The following NMBR variants were observed in gnomAD, a reference collection of about 807,000 sequenced individuals.
NMBR encodes neuromedin B receptor.
NMBR carries 16 observed loss-of-function variants against 20.5 expected under a neutral mutation model. The observed-to-expected ratio is 0.78, with a 90% CI of 0.53 to 1.19. The LOEUF (loss-of-function observed/expected upper bound fraction) is 1.19, where lower values mean the gene tolerates loss of function less well. NMBR is among the 50% of genes most tolerant of loss of function. The probability of loss-of-function intolerance (pLI) is 0.00; values close to 1 mark genes in which losing one functional copy is unlikely to be tolerated. For missense variants in NMBR, 582 were observed against 499.1 expected, an observed-to-expected ratio of 1.17 and a Z score of -1.58; for synonymous variants, 212 against 196.6, an observed-to-expected ratio of 1.08 and a Z score of -0.65.
At chr6:142,100,886 T>C (rs1166664011) in intron 1 of NMBR, among the ~76,000 whole-genome samples, 1 of 152,244 alleles carries the variant, frequency 6.6e-6, no homozygotes, top group Non-Finnish European at 1.5e-5. Flanking sequence ...CAGACTGCTA[T>C]AATAAAATAC....
At chr6:142,140,247 T>C (rs1331300527) in intron 1 of NMBR, among the ~76,000 whole-genome samples, 1 of 151,910 alleles carries the variant, frequency 6.6e-6, no homozygotes, top group Non-Finnish European at 1.5e-5. Flanking sequence ...CTCTTGAAAA[T>C]TACAATAAAA....
intron 1 of NMBR, among the ~76,000 whole-genome samples, chr6:142,098,311 T>C (rs749519403): frequency 3.3e-5 from 5 of 152,152 alleles, no homozygotes; most frequent in Non-Finnish European, 7.4e-5. Context: ...TTTTCAATTT[T>C]GTACTGGAAG....
In NMBR at chr6:142,088,525, A is replaced by C. The variant is rs761046063; in HGVS notation, c.134T>G (p.Val45Gly). ...GTTTELVIRC[V>G]IPSLYLLIIT... ...GATGAGCAGGTAGAGGGACGGGATCACACAGCGGATCACCAACTCCGTGGT... is the reference window on the plus strand; with the variant it reads ...GATGAGCAGGTAGAGGGACGGGATCCCACAGCGGATCACCAACTCCGTGGT... The change falls in exon 2 of 4, where the codon GTG becomes GGG. Residue 45 changes from valine (V) to glycine (G), a missense_variant. By Grantham distance (109) the Val-to-Gly change is moderately radical. Coordinates refer to ENST00000258042, the MANE Select transcript of NMBR (RefSeq NM_002511.4). 1 of 1,614,074 alleles carries C rather than the reference A, an allele frequency of 6.2e-7. No individual in the cohort carries two copies. Among genetic ancestry groups the C allele is most frequent in the Non-Finnish European group, 8.5e-7 (1 of 1,180,012 alleles).
Position 142,130,249 on chromosome 6 carries a change from T to C in NMBR, c.-664+16795A>G, listed in dbSNP as rs1031837772. ...ATTACCTTGCAAAGAGACCTAGAGA[T>C]GAGTTTGCAGGAAAAACTTGGAGAA... On this transcript the variant is annotated intron_variant, in intron 1 of 3. Coordinates refer to ENST00000258042, the MANE Select transcript of NMBR (RefSeq NM_002511.4). Among the ~76,000 whole-genome samples the C allele has an allele frequency of 2.0e-5, 3 of 152,038 alleles. 1 individual carries two copies. Among genetic ancestry groups the C allele is most frequent in the Non-Finnish European group, 4.4e-5 (3 of 68,000 alleles).
chr6:142,127,428 C>T lies in NMBR; in HGVS notation c.-664+19616G>A, dbSNP rs772176000. Among the ~76,000 whole-genome samples, 106 of 152,020 alleles carry T rather than the reference C, an allele frequency of 7.0e-4. 1 individual carries two copies. In the Middle Eastern group the frequency reaches 0.017, roughly 24 times the overall value. On this transcript the variant is annotated intron_variant, in intron 1 of 3. Transcript: ENST00000258042. Reference sequence around the variant, plus strand: ...TTTTAAATCAGGAAGTATGATGCCTCCAGCTTTGTTTTTCTTGATCAAGAT... The same window carrying T: ...TTTTAAATCAGGAAGTATGATGCCTTCAGCTTTGTTTTTCTTGATCAAGAT...
intron 3 of NMBR, among the ~76,000 whole-genome samples, chr6:142,078,006 C>T (rs75112538): frequency 0.014 from 2,133 of 152,268 alleles, 43 homozygotes; most frequent in South Asian, 0.068. Context: ...AGTTGGGTCA[C>T]GTACTGCTTC....
At chr6:142,093,049 G>C (rs1381523310) in intron 1 of NMBR, among the ~76,000 whole-genome samples, 2 of 151,976 alleles carry the variant, frequency 1.3e-5, no homozygotes, top group East Asian at 1.9e-4. Flanking sequence ...TAGACCAAAG[G>C]CTTCTCTGGT....
chr6:142,101,390 A>G (rs1777561264), intron 1 of NMBR, among the ~76,000 whole-genome samples: 1 of 152,216 alleles, frequency 6.6e-6, no homozygotes, highest in Non-Finnish European at 1.5e-5. Flanking sequence ...TCATTGATCA[A>G]AATTTTATCA....
intron 1 of NMBR, among the ~76,000 whole-genome samples, chr6:142,140,054 G>A (rs763672696): frequency 2.6e-5 from 4 of 152,006 alleles, no homozygotes; most frequent in Admixed American, 6.6e-5. Context: ...GAGCAAATTC[G>A]TAGTGCACTG....
rs1778178146 is a variant in NMBR at position 142,133,267 on chromosome 6, G to A, written c.-664+13777C>T. On this transcript the variant is annotated intron_variant, in intron 1 of 3. Coordinates refer to ENST00000258042, the MANE Select transcript of NMBR (RefSeq NM_002511.4). ...GAGTATTTTACCCTGAATTGCATAA[G>A]TCTTGGTGAATAAATTCTCTACATC... 14 of 554,988 alleles carry A rather than the reference G, an allele frequency of 2.5e-5. No individual in the cohort carries two copies. The South Asian group carries it at 3.4e-4, about 14-fold the overall frequency. 34.4% of individuals were successfully genotyped at this position (554,988 alleles called of 1,614,324 possible).
chr6:142,118,993 T>C (rs1582855387), intron 1 of NMBR, among the ~76,000 whole-genome samples: 1 of 152,040 alleles, frequency 6.6e-6, no homozygotes, highest in African/African-American at 2.4e-5. Flanking sequence ...AAGGCAGGAC[T>C]GAACAGAAAC....
At chr6:142,088,117 C>T (rs994035266) in intron 2 of NMBR, 120 bp downstream of exon 2, 2 of 946,804 alleles carry the variant, frequency 2.1e-6, no homozygotes, top group Non-Finnish European at 3.1e-6. Context: ...TCCCTCTCTT[C>T]CTCTCCACAC....
chr6:142,128,988 G>A (rs1778091125), intron 1 of NMBR, among the ~76,000 whole-genome samples: 1 of 77,122 alleles, frequency 1.3e-5, no homozygotes, highest in Non-Finnish European at 3.9e-5. Flanking sequence ...TAGACCAGAT[G>A]TCAATGTAAT....
At position 142,095,277 on chromosome 6, in the gene NMBR, T is replaced by C. The variant is rs553765427; in HGVS notation, c.-663-5956A>G. Among the ~76,000 whole-genome samples, 4 of 152,292 alleles carry C rather than the reference T, an allele frequency of 2.6e-5. No individual in the cohort carries two copies. In the South Asian group the frequency reaches 8.3e-4, roughly 32 times the overall value. On this transcript the variant is annotated intron_variant, in intron 1 of 3. Coordinates refer to ENST00000258042, the MANE Select transcript of NMBR (RefSeq NM_002511.4). The stretch of plus-strand genomic sequence containing the variant: ...CGGTTTTTGCCCATTCAGTATGATA[T>C]TGGCTGTGGGTTTGTCATAGATAGC...
chr6:142,134,139 T>A, intron 1 of NMBR: 2 of 513,114 alleles, frequency 3.9e-6, no homozygotes, highest in Non-Finnish European at 7.0e-6. Context: ...AGGTTTTTTG[T>A]TCCTAAGGAT....
chr6:142,074,548 A>G lies in NMBR; in HGVS notation c.*1100T>C, dbSNP rs1582830748. On this transcript the variant is annotated 3_prime_UTR_variant, in exon 4 of 4. Transcript: ENST00000258042. ...AATGGTAGCTTTTAAACTGTAATCA[A>G]TACATTTGCATTTTCCTAAAAAAAG... 6.6e-6 allele frequency among the ~76,000 whole-genome samples: 1 copy of G among 152,168 alleles called. No individual in the cohort carries two copies. The highest frequency in any genetic ancestry group is 2.4e-5 in the African/African-American group (1 of 41,450).
At chr6:142,121,745 C>T (rs1486000550) in intron 1 of NMBR, among the ~76,000 whole-genome samples, 1 of 151,836 alleles carries the variant, frequency 6.6e-6, no homozygotes, top group African/African-American at 2.4e-5. Context: ...CTGTTTCCCT[C>T]CCTTTCCCAC....
rs1250879502 is a variant in NMBR, at chr6:142,076,052, G to A, written c.772-3C>T. 1.9e-6 allele frequency: 3 copies of A among 1,558,848 alleles called. No individual in the cohort carries two copies. Among genetic ancestry groups the A allele is most frequent in the Middle Eastern group, 1.7e-4 (1 of 5,756 alleles). On this transcript the variant is annotated splice_region_variant and splice_polypyrimidine_tract_variant and intron_variant, in intron 3 of 3. Coordinates refer to ENST00000258042, the MANE Select transcript of NMBR (RefSeq NM_002511.4). ...GCCAGGCGTTTCCGTGTTTCCATCTGCAAATATAAGAAATTGATCCCATTG... is the reference window on the plus strand; with the variant it reads ...GCCAGGCGTTTCCGTGTTTCCATCTACAAATATAAGAAATTGATCCCATTG...
chr6:142,079,090 G>GAA (rs1777030895), intron 2 of NMBR, among the ~76,000 whole-genome samples, 187 bp from the exon 3 acceptor site: 1 of 67,612 alleles, frequency 1.5e-5, no homozygotes, highest in African/African-American at 1.1e-4. Context: ...GAAAGAAAGA[G>GAA]AGAAAGAGAG....
Sources: allele counts gnomAD v4.1 joint callset (sites outside exome capture counted in the v4.1 genomes callset), GRCh38; gene constraint gnomAD v4.1.1; transcripts MANE v1.5; gene names NCBI Gene and HGNC (gene_info 2026-07-23, HGNC 2026-07-21).